NCOA4: variants seen among roughly 807,000 people sequenced by gnomAD.
The protein encoded by NCOA4 is nuclear receptor coactivator 4.
NCOA4 carries 31 observed loss-of-function variants against 69.5 expected under a neutral mutation model. The observed-to-expected ratio is 0.45, with a 90% CI of 0.34 to 0.60. The LOEUF (loss-of-function observed/expected upper bound fraction) is 0.60, where lower values mean the gene tolerates loss of function less well. Among genes scored for constraint, NCOA4 ranks in the 20% least tolerant of loss-of-function variants. The pLI is 0.02. For synonymous variants in NCOA4, 228 were observed against 252.4 expected (o/e 0.90, Z 0.92); for missense variants, 600 against 719.2 (o/e 0.83, Z 1.90).
At chr10:46,013,071 A>C (rs782478658) in intron 6 of NCOA4, 45 bp from the exon 7 acceptor site, 4 of 1,597,732 alleles carry the variant, frequency 2.5e-6, no homozygotes, top group Non-Finnish European at 1.7e-6. Flanking sequence ...TAGAAAGTTC[A>C]CCAGAAAAAG....
intron 1 of NCOA4, among the ~76,000 whole-genome samples, chr10:46,021,286 T>C (rs1426591226): frequency 1.3e-5 from 2 of 152,076 alleles, no homozygotes; most frequent in African/African-American, 4.8e-5. Context: ...CAAGCCTCTT[T>C]AAAAAAATAA....
chr10:46,024,539 T>G (rs1206024105), intron 1 of NCOA4, among the ~76,000 whole-genome samples: 4 of 152,220 alleles, frequency 2.6e-5, no homozygotes, highest in African/African-American at 9.6e-5. Context: ...TTTGTGTTTC[T>G]CTCCTCAAGC....
In NCOA4 at chr10:46,014,452, TGA is replaced by T. The variant is rs782231642; in HGVS notation, c.470_471del (p.Leu157GlnfsTer7). 6.2e-7 allele frequency: 1 copy of T among 1,606,686 alleles called. No individual in the cohort carries two copies. Among genetic ancestry groups the T allele is most frequent in the Non-Finnish European group, 8.5e-7 (1 of 1,173,340 alleles). On this transcript the variant is annotated frameshift_variant, in exon 5 of 10. Transcript: ENST00000581486. LOFTEE classifies it high-confidence loss of function. ...CATATGAGATTACTCACAATGGTTT[TGA>T]GAGACCCAAATGTGGTGATGGTCTG... ...LRQTITTFGS[L>X]KTIQIPEHLM...
At chr10:46,010,195 C>T in intron 8 of NCOA4, 28 bp downstream of exon 8, 1 of 1,559,196 alleles carries the variant, frequency 6.4e-7, no homozygotes, top group Non-Finnish European at 8.6e-7. Context: ...AAAACTCAAA[C>T]CAGTGCTATT....
chr10:46,017,671 C>T (rs1271264835), intron 1 of NCOA4, among the ~76,000 whole-genome samples: 1 of 152,122 alleles, frequency 6.6e-6, no homozygotes, highest in Admixed American at 6.5e-5. Flanking sequence ...AAAATGATTT[C>T]ATGATTCTCA....
intron 7 of NCOA4, among the ~76,000 whole-genome samples, chr10:46,011,903 T>C (rs1284800196): frequency 6.7e-6 from 1 of 149,978 alleles, no homozygotes; most frequent in Non-Finnish European, 1.5e-5. Context: ...ATAAAAAATA[T>C]GCAAAAAATT....
intron 1 of NCOA4, among the ~76,000 whole-genome samples, chr10:46,021,842 C>T (rs958141028): frequency 1.8e-4 from 28 of 152,256 alleles, no homozygotes; most frequent in African/African-American, 6.3e-4. Context: ...GCCTGTAATT[C>T]CAGCTAATCG....
chr10:46,028,166 A>C (rs1840261456), intron 1 of NCOA4, among the ~76,000 whole-genome samples: 1 of 151,852 alleles, frequency 6.6e-6, no homozygotes, highest in Admixed American at 6.6e-5. Context: ...CCAGGCCTTC[A>C]CTTCCTTCAG....
At chr10:46,029,187 G>A (rs1554926075) in intron 1 of NCOA4, among the ~76,000 whole-genome samples, 1 of 152,064 alleles carries the variant, frequency 6.6e-6, no homozygotes, top group African/African-American at 2.4e-5. Context: ...TGTAATTGTA[G>A]AGATTTATTT....
At chr10:46,028,152 G>A (rs533831839) in intron 1 of NCOA4, among the ~76,000 whole-genome samples, 8 of 152,088 alleles carry the variant, frequency 5.3e-5, no homozygotes, top group Middle Eastern at 3.4e-3. Context: ...AGGTATCCTC[G>A]AGCCCAGGCC....
intron 1 of NCOA4, among the ~76,000 whole-genome samples, chr10:46,029,054 G>T (rs1554926051): frequency 6.6e-6 from 1 of 151,548 alleles, no homozygotes; most frequent in Admixed American, 6.6e-5. Context: ...AAAAAGGGGG[G>T]GGTGAGGGGT....
At chr10:46,012,781 A>G in intron 7 of NCOA4, 102 bp downstream of exon 7, 1 of 1,210,818 alleles carries the variant, frequency 8.3e-7, no homozygotes, top group Non-Finnish European at 1.1e-6. Context: ...ATGTTTCCAG[A>G]CTGCAACCAA....
intron 9 of NCOA4, among the ~76,000 whole-genome samples, chr10:46,006,991 T>C (rs544493152): frequency 9.2e-5 from 14 of 152,340 alleles, no homozygotes; most frequent in Admixed American, 8.5e-4. Context: ...AAAGTCATGT[T>C]GAAGGCCACG....
At position 46,006,503 on chromosome 10, in the gene NCOA4, C is replaced by G; in HGVS notation, c.*89G>C. The stretch of plus-strand genomic sequence containing the variant: ...AAGAACTAAGCTAATTGGTCAGACC[C>G]AGAAACACAAAGATTTGGCAAGCTG... On this transcript the variant is annotated 3_prime_UTR_variant, in exon 10 of 10. Transcript: ENST00000581486. 1 of 1,495,246 alleles carries G rather than the reference C, an allele frequency of 6.7e-7. No individual in the cohort carries two copies. The allele number at this position is 1,495,246 out of a possible 1,614,324, so 92.6% of individuals were successfully genotyped here.
At chr10:46,014,674 A>G (rs1227436230) in intron 4 of NCOA4, 122 bp from the exon 5 acceptor site, 5 of 824,500 alleles carry the variant, frequency 6.1e-6, no homozygotes, top group East Asian at 2.6e-5. Context: ...AAACTCAACC[A>G]AAGATAGATG....
At chr10:46,027,695 TA>T (rs1840238822) in intron 1 of NCOA4, among the ~76,000 whole-genome samples, 2 of 152,252 alleles carry the variant, frequency 1.3e-5, no homozygotes, top group African/African-American at 4.8e-5. Flanking sequence ...ATCGACACTT[TA>T]GGCTTGCCTT....
chr10:46,015,061 AG>A lies in NCOA4; in HGVS notation c.282+64del, dbSNP rs1839456954. ...TGATCTATATTAACACTGCATTACA[AG>A]GAAGATACTCTCTGGCAACCAGAAG... On this transcript the variant is annotated intron_variant, in intron 3 of 9. Transcript: ENST00000581486. 5 of 1,606,770 alleles carry A rather than the reference AG, an allele frequency of 3.1e-6. No homozygotes were observed. In the African/African-American group the frequency reaches 6.7e-5, roughly 22 times the overall value.
At chr10:46,021,936 G>T (rs1554924450) in intron 1 of NCOA4, among the ~76,000 whole-genome samples, 1 of 152,028 alleles carries the variant, frequency 6.6e-6, no homozygotes, top group Non-Finnish European at 1.5e-5. Flanking sequence ...CTCCAGCCTG[G>T]GCAACAGGAG....
In NCOA4 at chr10:46,006,153, CAAA is replaced by C. The variant is rs1181592949; in HGVS notation, c.*436_*438del. The stretch of plus-strand genomic sequence containing the variant: ...GAAAATAATTATTTCAGACCACTAA[CAAA>C]AGAAAACCCACAGCAAGAGAAGCAT... On this transcript the variant is annotated 3_prime_UTR_variant, in exon 10 of 10. Coordinates refer to ENST00000581486, the MANE Select transcript of NCOA4 (RefSeq NM_001145263.2). The C allele has an allele frequency of 3.5e-5, 8 of 231,374 alleles. No homozygotes were observed. Among genetic ancestry groups the C allele is most frequent in the Non-Finnish European group, 6.8e-5 (8 of 117,074 alleles). 14.3% of individuals were successfully genotyped at this position (231,374 alleles called of 1,614,324 possible).
Sources: allele counts gnomAD v4.1 joint callset (sites outside exome capture counted in the v4.1 genomes callset), GRCh38; gene constraint gnomAD v4.1.1; transcripts MANE v1.5; gene names NCBI Gene and HGNC (gene_info 2026-07-23, HGNC 2026-07-21).